Variants in ZFPM2 observed in about 807,000 individuals in gnomAD.
ZFPM2 encodes zinc finger protein, FOG family member 2, also known as zinc finger protein ZFPM2.
ZFPM2 carries 20 observed loss-of-function variants against 98.6 expected under a neutral mutation model. The observed-to-expected ratio is 0.20, with a 90% confidence interval of 0.14 to 0.29. The LOEUF (loss-of-function observed/expected upper bound fraction) is 0.29, where lower values mean the gene tolerates loss of function less well. Among genes scored for constraint, ZFPM2 ranks in the 10% least tolerant of loss-of-function variants. The pLI, the probability that ZFPM2 is intolerant of heterozygous loss-of-function variation, is 1.00. For synonymous variants in ZFPM2, 518 were observed against 502.7 expected, an observed-to-expected ratio of 1.03 and a Z score of -0.41; for missense variants, 1,310 against 1,388.6, an observed-to-expected ratio of 0.94 and a Z score of 0.90.
chr8:105,334,118 C>CTGTGTGTGTG (rs71305145), intron 1 of ZFPM2, among the ~76,000 whole-genome samples: 1,688 of 120,336 alleles, frequency 0.014, 53 homozygotes, highest in African/African-American at 0.055. Context: ...TAGTAATAAA[C>CTGTGTGTGTG]TGTGTGTGTG....
At chr8:105,673,442 A>T (rs1330145921) in intron 5 of ZFPM2, among the ~76,000 whole-genome samples, 1 of 152,110 alleles carries the variant, frequency 6.6e-6, no homozygotes, top group African/African-American at 2.4e-5. Flanking sequence ...ATCACATAAA[A>T]TTCTGAAATG....
At chr8:105,734,483 A>T (rs1178459676) in intron 5 of ZFPM2, among the ~76,000 whole-genome samples, 1 of 151,966 alleles carries the variant, frequency 6.6e-6, no homozygotes, top group East Asian at 1.9e-4. Flanking sequence ...CTGCAGAGAA[A>T]TATTCAGATG....
rs145006450 is a variant in ZFPM2 at position 105,456,658 on chromosome 8, A to G, written c.301+12277A>G. 8.5e-3 allele frequency among the ~76,000 whole-genome samples: 1,300 copies of G among 152,050 alleles called. 20 individuals are homozygous for G. The highest frequency in any genetic ancestry group is 0.029 in the African/African-American group (1,204 of 41,488). ...GTTTTAGTTTTTCTTCAGGTTTTCC[A>G]TAGTATTATTTCTTTTATTGCTTGT... On this transcript the variant is annotated intron_variant, in intron 3 of 7. Coordinates refer to ENST00000407775, the MANE Select transcript of ZFPM2 (RefSeq NM_012082.4).
intron 3 of ZFPM2, among the ~76,000 whole-genome samples, chr8:105,510,486 G>T (rs1380382583): frequency 6.6e-6 from 1 of 150,786 alleles, no homozygotes; most frequent in African/African-American, 2.4e-5. Flanking sequence ...ATAATGAAAT[G>T]ATAGCAAACA....
Position 105,487,424 on chromosome 8 carries a change from A to G in ZFPM2, c.301+43043A>G, listed in dbSNP as rs1173140046. 2.6e-5 allele frequency among the ~76,000 whole-genome samples: 4 copies of G among 152,118 alleles called. No individual in the cohort carries two copies. The South Asian group carries it at 8.3e-4, about 31-fold the overall frequency. On this transcript the variant is annotated intron_variant, in intron 3 of 7. Coordinates refer to ENST00000407775, the MANE Select transcript of ZFPM2 (RefSeq NM_012082.4). ...GTGAGCCACCATATCCAGCCACAAT[A>G]TGTCATATTATACATCTAAGTTTTA...
intron 5 of ZFPM2, among the ~76,000 whole-genome samples, chr8:105,646,089 A>G (rs1016369879): frequency 5.3e-5 from 8 of 151,528 alleles, no homozygotes; most frequent in African/African-American, 1.9e-4. Flanking sequence ...AGAAACATGC[A>G]TATGCATAAA....
At chr8:105,621,996 C>A (rs770513326) in intron 4 of ZFPM2, among the ~76,000 whole-genome samples, 69 of 151,680 alleles carry the variant, frequency 4.5e-4, no homozygotes, top group Non-Finnish European at 6.0e-4. Context: ...AGCAGAATAA[C>A]CTAAATAACA....
intron 4 of ZFPM2, among the ~76,000 whole-genome samples, chr8:105,571,215 G>T (rs1247361067): frequency 1.3e-5 from 2 of 152,116 alleles, no homozygotes; most frequent in African/African-American, 2.4e-5. Context: ...ATCCTTACAT[G>T]AATTTTCTTA....
intron 1 of ZFPM2, among the ~76,000 whole-genome samples, chr8:105,375,988 G>A (rs958672243): frequency 2.8e-4 from 42 of 152,138 alleles, no homozygotes; most frequent in African/African-American, 9.9e-4. Context: ...CCTATTTAGA[G>A]CAAAATGTCT....
At chr8:105,715,352 A>G (rs1207413089) in intron 5 of ZFPM2, among the ~76,000 whole-genome samples, 1 of 150,088 alleles carries the variant, frequency 6.7e-6, no homozygotes, top group Non-Finnish European at 1.5e-5. Context: ...GAGAGCTGCG[A>G]TTGTCCCACA....
chr8:105,527,532 T>C (rs138877643), intron 3 of ZFPM2, among the ~76,000 whole-genome samples: 1 of 152,342 alleles, frequency 6.6e-6, no homozygotes, highest in African/African-American at 2.4e-5. Context: ...GAAGCAGAGC[T>C]GAACCAATGA....
intron 5 of ZFPM2, among the ~76,000 whole-genome samples, chr8:105,712,717 C>A (rs1333876668): frequency 6.6e-6 from 1 of 152,040 alleles, no homozygotes; most frequent in Non-Finnish European, 1.5e-5. Flanking sequence ...CCTGCACTCT[C>A]CTTTTGGAGT....
intron 5 of ZFPM2, among the ~76,000 whole-genome samples, chr8:105,677,304 A>C (rs1322599605): frequency 1.3e-5 from 2 of 151,880 alleles, no homozygotes; most frequent in Non-Finnish European, 2.9e-5. Flanking sequence ...TTTACAAATG[A>C]GGTTGAGGTA....
chr8:105,415,707 A>T (rs138122159), intron 1 of ZFPM2, among the ~76,000 whole-genome samples: 193 of 152,218 alleles, frequency 1.3e-3, no homozygotes, highest in African/African-American at 4.3e-3. Context: ...GAAACATGCA[A>T]TGTAGAGAGT....
chr8:105,348,324 T>C (rs1812578122), intron 1 of ZFPM2, among the ~76,000 whole-genome samples: 1 of 152,344 alleles, frequency 6.6e-6, no homozygotes, highest in Non-Finnish European at 1.5e-5. Context: ...CAATCTACCA[T>C]TCTAAAATTT....
intron 2 of ZFPM2, among the ~76,000 whole-genome samples, chr8:105,428,990 G>A (rs1263720778): frequency 6.6e-6 from 1 of 152,078 alleles, no homozygotes; most frequent in African/African-American, 2.4e-5. Flanking sequence ...TAGCAGAGAC[G>A]GAAAGTGGAA....
intron 5 of ZFPM2, among the ~76,000 whole-genome samples, chr8:105,772,474 GGAGGAGAAAGCAGGCAGGGGTAAA>G (rs1378979258): frequency 6.6e-6 from 1 of 152,154 alleles, no homozygotes; most frequent in Non-Finnish European, 1.5e-5. Context: ...CCTGCTTGAA[GGAGGAGAAAGCAGGCAGGGGTAAA>G]GAGGAAGGAA....
At chr8:105,626,302 GC>G (rs1160000302) in intron 4 of ZFPM2, among the ~76,000 whole-genome samples, 1 of 152,102 alleles carries the variant, frequency 6.6e-6, no homozygotes, top group Admixed American at 6.6e-5. Context: ...AAATTGTTAT[GC>G]CCCCATAGCT....
At chr8:105,738,191 A>T (rs1812126980) in intron 5 of ZFPM2, among the ~76,000 whole-genome samples, 1 of 151,814 alleles carries the variant, frequency 6.6e-6, no homozygotes, top group Admixed American at 6.6e-5. Context: ...CCTCTGATAG[A>T]CCTAAGTGTG....
Sources: allele counts gnomAD v4.1 joint callset (sites outside exome capture counted in the v4.1 genomes callset), GRCh38; gene constraint gnomAD v4.1.1; transcripts MANE v1.5; gene names NCBI Gene and HGNC (gene_info 2026-07-23, HGNC 2026-07-21).